Variants in UNC79 observed in about 807,000 individuals in gnomAD.
The protein encoded by UNC79 is protein unc-79 homolog.
UNC79 carries 37 observed loss-of-function variants against 283.1 expected under a neutral mutation model. That is an observed-to-expected ratio of 0.13 (90% CI 0.10 to 0.17). UNC79 has a LOEUF of 0.17. Among genes scored for constraint, UNC79 ranks in the 10% least tolerant of loss-of-function variants. UNC79 has a pLI of 1.00. For missense variants in UNC79, 2,272 were observed against 3,211.1 expected (o/e 0.71, Z 7.07); for synonymous variants, 1,107 against 1,200.2 (o/e 0.92, Z 1.61).
At chr14:93,379,115 C>G (rs1423803808) in intron 1 of UNC79, among the ~76,000 whole-genome samples, 2 of 152,122 alleles carry the variant, frequency 1.3e-5, no homozygotes, top group Admixed American at 1.3e-4. Context: ...TGATTGATCT[C>G]TGCTTTAAAT....
upstream of UNC79, among the ~76,000 whole-genome samples, chr14:93,426,717 T>A (rs547434868): frequency 8.5e-5 from 13 of 152,182 alleles, no homozygotes; most frequent in African/African-American, 3.1e-4. Context: ...AATGGTTTTT[T>A]AAAAATATAG....
chr14:93,665,875 A>G (rs984112164), intron 40 of UNC79, among the ~76,000 whole-genome samples: 1 of 152,130 alleles, frequency 6.6e-6, no homozygotes, highest in Non-Finnish European at 1.5e-5. Flanking sequence ...AAAAGATGTA[A>G]GAAGGAAAGT....
intron 1 of UNC79, among the ~76,000 whole-genome samples, chr14:93,371,104 G>A (rs1407252868): frequency 1.3e-5 from 2 of 152,000 alleles, no homozygotes; most frequent in Admixed American, 1.3e-4. Flanking sequence ...AACAGGGGTG[G>A]GTGCGGGGTG....
intron 1 of UNC79, among the ~76,000 whole-genome samples, chr14:93,404,493 A>AAAAATATATATATATAT: frequency 2.0e-4 from 12 of 61,490 alleles, no homozygotes; most frequent in South Asian, 1.8e-3. Context: ...TTCTAAAAAA[A>AAAAATATATATATATAT]ATATATATAT....
chr14:93,646,625 C>A (rs77267660), exon 35 of UNC79: 1 of 1,613,788 alleles, frequency 6.2e-7, no homozygotes, highest in Non-Finnish European at 8.5e-7. Flanking sequence ...TCCAGTACTA[C>A]CTTTTCTAAT....
chr14:93,575,556 G>T (rs568549685), intron 17 of UNC79, among the ~76,000 whole-genome samples: 1 of 152,214 alleles, frequency 6.6e-6, no homozygotes, highest in East Asian at 1.9e-4. Flanking sequence ...TCTGGGAGGA[G>T]TTTGGATGAT....
At chr14:93,600,547 T>C (rs777911644) in intron 24 of UNC79, 22 bp from the exon 25 acceptor site, 13 of 1,562,068 alleles carry the variant, frequency 8.3e-6, no homozygotes, top group Non-Finnish European at 1.1e-5. Flanking sequence ...CTTTTCTTTT[T>C]TTTTTTCCTC....
At chr14:93,584,073 C>G (rs183226255) in intron 20 of UNC79, among the ~76,000 whole-genome samples, 51 of 152,238 alleles carry the variant, frequency 3.4e-4, no homozygotes, top group African/African-American at 1.1e-3. Context: ...TCCCAAAGAG[C>G]TAGGATTACA....
At chr14:93,453,276 TGGTTG>T in intron 1 of UNC79, among the ~76,000 whole-genome samples, 1 of 152,312 alleles carries the variant, frequency 6.6e-6, no homozygotes, top group East Asian at 1.9e-4. Context: ...ATTGGATAGG[TGGTTG>T]ATAATTCAGA....
chr14:93,428,288 T>C (rs915954129), upstream of UNC79, among the ~76,000 whole-genome samples: 19 of 152,152 alleles, frequency 1.2e-4, no homozygotes, highest in Non-Finnish European at 2.8e-4. Flanking sequence ...AAGATGAGAC[T>C]TAAAATGCTG....
At chr14:93,517,970 C>T (rs1269453957) in intron 7 of UNC79, among the ~76,000 whole-genome samples, 1 of 151,244 alleles carries the variant, frequency 6.6e-6, no homozygotes, top group Admixed American at 6.6e-5. Context: ...TTGGGATGAA[C>T]TCATCTTGTC....
At chr14:93,651,185 C>T (rs2070209391) in intron 35 of UNC79, among the ~76,000 whole-genome samples, 1 of 152,132 alleles carries the variant, frequency 6.6e-6, no homozygotes, top group Admixed American at 6.5e-5. Flanking sequence ...ATAGTACCTT[C>T]ATAGTAAGTA....
intron 1 of UNC79, among the ~76,000 whole-genome samples, chr14:93,398,259 G>A (rs2055038352): frequency 6.6e-6 from 1 of 152,196 alleles, no homozygotes; most frequent in African/African-American, 2.4e-5. Context: ...GGATAAGCCA[G>A]CCAGGTGGGA....
intron 14 of UNC79, among the ~76,000 whole-genome samples, chr14:93,568,269 T>C (rs1274930043): frequency 1.3e-5 from 2 of 152,190 alleles, no homozygotes; most frequent in African/African-American, 4.8e-5. Flanking sequence ...GAAAGAATGC[T>C]CTACTGGGGG....
At chr14:93,379,035 G>A (rs866583633) in intron 1 of UNC79, among the ~76,000 whole-genome samples, 7 of 152,140 alleles carry the variant, frequency 4.6e-5, no homozygotes, top group East Asian at 1.9e-4. Flanking sequence ...ATCAGGAGGA[G>A]CAAAAGAGTA....
intron 3 of UNC79, among the ~76,000 whole-genome samples, chr14:93,477,260 A>G (rs2057855725): frequency 6.6e-6 from 1 of 152,232 alleles, no homozygotes; most frequent in African/African-American, 2.4e-5. Context: ...TGCCTCAGTT[A>G]TCTTGTGTAG....
chr14:93,524,961 G>A (rs531233916), intron 8 of UNC79, among the ~76,000 whole-genome samples: 2 of 152,234 alleles, frequency 1.3e-5, no homozygotes, highest in African/African-American at 4.8e-5. Flanking sequence ...TAGAAACAAA[G>A]TAGGAAAGGT....
At chr14:93,436,777 T>C (rs1200710849) in intron 1 of UNC79, among the ~76,000 whole-genome samples, 1 of 152,206 alleles carries the variant, frequency 6.6e-6, no homozygotes, top group African/African-American at 2.4e-5. Flanking sequence ...ATCAATACTC[T>C]TGCTTTCTGT....
At position 93,430,490 on chromosome 14, in the gene UNC79, TG is replaced by T. The variant is rs1370712826; in HGVS notation, c.-537del. 1 of 152,348 alleles carries T rather than the reference TG, an allele frequency of 6.6e-6. No individual in the cohort carries two copies. The highest frequency in any genetic ancestry group is 2.4e-5 in the African/African-American group (1 of 41,422). 9.4% of individuals were successfully genotyped at this position (152,348 alleles called of 1,614,324 possible). On this transcript the variant is annotated 5_prime_UTR_variant, in exon 1 of 49. Coordinates refer to ENST00000555664, the Ensembl canonical transcript of UNC79. This position sits in a 1 kb window ranked among gnomAD's most constrained non-coding sequence, Gnocchi z 4.6. The stretch of plus-strand genomic sequence containing the variant: ...TCCTCCCCGAGGTTGAGACGAAGCG[TG>T]GGACGCACCTGGGTCCCTCTCTGGT...
Sources: allele counts gnomAD v4.1 joint callset (sites outside exome capture counted in the v4.1 genomes callset), GRCh38; gene constraint gnomAD v4.1.1; non-coding constraint Gnocchi (gnomAD v3.1); transcripts MANE v1.5; gene names NCBI Gene and HGNC (gene_info 2026-07-23, HGNC 2026-07-21).